The following MEAK7 variants were observed in gnomAD, a reference collection of about 807,000 sequenced individuals.
The protein encoded by MEAK7 is MTOR associated protein MEAK7.
Under a neutral mutation model 40.5 loss-of-function variants are expected in MEAK7, and 68 were observed. That is an observed-to-expected ratio of 1.68 (90% CI 1.38 to 2.06). The LOEUF is 2.06. Among genes scored for constraint, MEAK7 ranks in the 30% most tolerant of loss-of-function variants. The pLI is 0.00. For missense variants in MEAK7, 918 were observed against 580.5 expected (o/e 1.58, Z -5.98); for synonymous variants, 338 against 231.9 (o/e 1.46, Z -4.16).
In MEAK7 at chr16:84,483,390, G is replaced by A. The variant is rs546580841; in HGVS notation, c.959-680C>T. On this transcript the variant is annotated intron_variant, in intron 5 of 7. Transcript: ENST00000343629. The stretch of plus-strand genomic sequence containing the variant: ...AGGCCTCGTCCTCGGAGCTCCCAGC[G>A]AGGGACACTTCCCACCATGTTCTGA... Among the ~76,000 whole-genome samples the A allele has an allele frequency of 1.4e-3, 208 of 152,352 alleles. 4 individuals carry two copies. Among genetic ancestry groups the A allele is most frequent in the Non-Finnish European group, 1.8e-3 (120 of 68,026 alleles).
chr16:84,502,980 C>T (rs373136643), intron 1 of MEAK7: 3 of 152,210 alleles, frequency 2.0e-5, no homozygotes, highest in African/African-American at 7.2e-5. Flanking sequence ...TTTGTAAAAT[C>T]TGGTTTTAGC....
At chr16:84,504,403 C>T (rs1313625764) in intron 1 of MEAK7, among the ~76,000 whole-genome samples, 198 bp downstream of exon 1, 1 of 145,490 alleles carries the variant, frequency 6.9e-6, no homozygotes, top group East Asian at 2.3e-4. Context: ...CTCCCTCCAT[C>T]CCGCCCCGCT....
chr16:84,503,688 T>G (rs1234090621), intron 1 of MEAK7, among the ~76,000 whole-genome samples: 1 of 152,136 alleles, frequency 6.6e-6, no homozygotes, highest in Non-Finnish European at 1.5e-5. Context: ...AATGGCTCCT[T>G]GGGATCTTGT....
At chr16:84,498,173 G>A (rs1479873494) in intron 1 of MEAK7, 62 bp from the exon 2 acceptor site, 3 of 1,514,484 alleles carry the variant, frequency 2.0e-6, no homozygotes, top group African/African-American at 2.8e-5. Flanking sequence ...GAAAATAAAT[G>A]TTGAGAATTA....
At chr16:84,486,263 G>A (rs561640488) in intron 5 of MEAK7, 12 of 191,428 alleles carry the variant, frequency 6.3e-5, no homozygotes, top group Non-Finnish European at 9.8e-5. Flanking sequence ...AAGCAAACGC[G>A]TGGCGGTGGG....
intron 1 of MEAK7, among the ~76,000 whole-genome samples, chr16:84,502,289 G>T (rs1914567264): frequency 6.6e-6 from 1 of 152,126 alleles, no homozygotes; most frequent in East Asian, 1.9e-4. Flanking sequence ...CCACAACTGG[G>T]GGAGGGGAGT....
At chr16:84,485,663 C>CTATCTATCTATCT (rs1357237005) in intron 5 of MEAK7, among the ~76,000 whole-genome samples, 1 of 149,782 alleles carries the variant, frequency 6.7e-6, no homozygotes. Context: ...TCCATCCATC[C>CTATCTATCTATCT]ATCTATCTAC....
At chr16:84,493,891 A>G (rs1285502266) in intron 3 of MEAK7, among the ~76,000 whole-genome samples, 1 of 152,144 alleles carries the variant, frequency 6.6e-6, no homozygotes, top group East Asian at 1.9e-4. Context: ...CCTGATCTGT[A>G]AGTAAAGGAT....
At chr16:84,500,674 C>T (rs898342186) in intron 1 of MEAK7, among the ~76,000 whole-genome samples, 10 of 152,144 alleles carry the variant, frequency 6.6e-5, no homozygotes, top group South Asian at 2.1e-4. Flanking sequence ...CCTCACGTTT[C>T]GCAGCAGCAG....
intron 3 of MEAK7, chr16:84,495,469 G>A: frequency 1.7e-6 from 1 of 574,110 alleles, no homozygotes; most frequent in East Asian, 3.0e-5. Context: ...TCCGCTTTAA[G>A]TCCTGAAGCC....
At chr16:84,487,671 G>C (rs561236360) in intron 4 of MEAK7, 1 of 153,352 alleles carries the variant, frequency 6.5e-6, no homozygotes, top group South Asian at 2.1e-4. Context: ...CACTAATCAG[G>C]CTTAATCATA....
intron 3 of MEAK7, 22 bp from the exon 4 acceptor site, chr16:84,489,444 A>G: frequency 6.3e-7 from 1 of 1,591,322 alleles, no homozygotes; most frequent in Non-Finnish European, 8.6e-7. Context: ...CAATTTTACC[A>G]TTAAAAACAG....
chr16:84,481,361 C>T (rs915079835), intron 6 of MEAK7, among the ~76,000 whole-genome samples: 1 of 152,236 alleles, frequency 6.6e-6, no homozygotes, highest in Admixed American at 6.5e-5. Flanking sequence ...GAGACCCGAG[C>T]ACACTGCCCA....
chr16:84,480,860 A>G (rs1912475414), intron 6 of MEAK7, 152 bp from the exon 7 acceptor site: 1 of 861,082 alleles, frequency 1.2e-6, no homozygotes, highest in South Asian at 2.2e-5. Context: ...CTTAACTGTG[A>G]AATATATCAA....
In MEAK7 at chr16:84,487,023, T is replaced by C. The variant is rs745587970; in HGVS notation, c.566A>G (p.Tyr189Cys). ...CTCGATCACAGCTCGGTCACAGTCA[T>C]AGTCCAGCCACTGGGGCCCCAGAAG... ...KRLLGPQWLD[Y>C]DCDRAVIEDW... is the part of the protein sequence containing the mutation. Residue 189 changes from tyrosine (Y) to cysteine (C), a missense_variant, in exon 5 of 8, where the codon TAT becomes TGT. Tyr to Cys is a radical substitution (Grantham distance 194). Transcript: ENST00000343629. The C allele has an allele frequency of 4.3e-5, 70 of 1,613,534 alleles. No individual in the cohort carries two copies. In the African/African-American group the frequency reaches 5.3e-4, roughly 12 times the overall value.
At chr16:84,489,000 A>G (rs1298448553) in intron 4 of MEAK7, among the ~76,000 whole-genome samples, 1 of 152,218 alleles carries the variant, frequency 6.6e-6, no homozygotes, top group African/African-American at 2.4e-5. Context: ...GTTCTTCAAA[A>G]AGTACCGACA....
chr16:84,492,185 G>A (rs1373692799), intron 3 of MEAK7, among the ~76,000 whole-genome samples: 1 of 152,130 alleles, frequency 6.6e-6, no homozygotes, highest in Non-Finnish European at 1.5e-5. Flanking sequence ...TAGTTCAGAG[G>A]TTCTCTGTAA....
intron 3 of MEAK7, among the ~76,000 whole-genome samples, chr16:84,494,287 A>C (rs945541893): frequency 6.6e-6 from 1 of 152,210 alleles, no homozygotes; most frequent in African/African-American, 2.4e-5. Context: ...AAATGTTTCA[A>C]AATAAACCAT....
At chr16:84,483,782 T>G (rs1166158505) in intron 5 of MEAK7, among the ~76,000 whole-genome samples, 1 of 152,128 alleles carries the variant, frequency 6.6e-6, no homozygotes, top group Non-Finnish European at 1.5e-5. Context: ...GAAACAGAGC[T>G]GGCTGGGGCA....
Sources: gnomAD v4.1 joint callset for allele counts (sites outside exome capture counted in the v4.1 genomes callset) on GRCh38, gnomAD v4.1.1 for gene constraint, MANE v1.5 for transcripts, NCBI Gene and HGNC (gene_info 2026-07-23, HGNC 2026-07-21) for gene names.